Variants in DNAJC13 observed in about 807,000 individuals in gnomAD.
The protein encoded by DNAJC13 is DnaJ heat shock protein family (Hsp40) member C13.
In DNAJC13, 75 loss-of-function variants were observed where a neutral mutation model predicts 290.5. The ratio of observed to expected loss-of-function variants is 0.26; its 90% CI spans 0.21 to 0.31. The LOEUF (loss-of-function observed/expected upper bound fraction) is 0.31. Among genes scored for constraint, DNAJC13 ranks in the 10% least tolerant of loss-of-function variants. The probability of loss-of-function intolerance (pLI) is 1.00; values close to 1 mark genes in which losing one functional copy is unlikely to be tolerated. For synonymous variants in DNAJC13, 862 were observed against 892.0 expected (o/e 0.97, Z 0.60); for missense variants, 2,260 against 2,674.5 (o/e 0.85, Z 3.42).
intron 2 of DNAJC13, among the ~76,000 whole-genome samples, chr3:132,436,110 A>G (rs969162606): frequency 2.0e-5 from 3 of 152,188 alleles, no homozygotes; most frequent in Admixed American, 1.3e-4. Flanking sequence ...ATTTTAGTGT[A>G]TTCATAAAGT....
chr3:132,486,488 G>C lies in DNAJC13; in HGVS notation c.3268-1810G>C, dbSNP rs532923272. On this transcript the variant is annotated intron_variant, in intron 29 of 55. Coordinates refer to ENST00000260818, the MANE Select transcript of DNAJC13 (RefSeq NM_015268.4). ...AGCATAACATGAAGCTTGGGGGAGG[G>C]AGGCTTTCTTTTAATTAACCAAAAA... is the stretch of plus-strand genomic sequence containing the variant. 7.3e-5 allele frequency among the ~76,000 whole-genome samples: 11 copies of C among 151,384 alleles called. No homozygotes were observed. The South Asian group carries it at 2.3e-3, about 31-fold the overall frequency.
chr3:132,530,883 T>C, intron 54 of DNAJC13, 115 bp from the exon 55 acceptor site: 1 of 771,952 alleles, frequency 1.3e-6, no homozygotes, highest in Non-Finnish European at 2.2e-6. Context: ...TGCTCCATAT[T>C]TGGGTCTTTC....
chr3:132,534,446 A>G (rs76705330), intron 55 of DNAJC13, among the ~76,000 whole-genome samples: 5,984 of 152,220 alleles, frequency 0.039, 186 homozygotes, highest in African/African-American at 0.083. Flanking sequence ...GCTTGAGTCC[A>G]GGAGTTCCAG....
intron 5 of DNAJC13, among the ~76,000 whole-genome samples, chr3:132,450,359 T>C (rs988048473): frequency 6.6e-6 from 1 of 152,136 alleles, no homozygotes; most frequent in Non-Finnish European, 1.5e-5. Flanking sequence ...TCCTCTTTTT[T>C]CTTTTTATAA....
intron 2 of DNAJC13, among the ~76,000 whole-genome samples, chr3:132,443,828 G>A (rs1933152420): frequency 6.6e-6 from 1 of 152,156 alleles, no homozygotes; most frequent in South Asian, 2.1e-4. Flanking sequence ...AGTTATGACA[G>A]TACTCTGCTG....
intron 1 of DNAJC13, among the ~76,000 whole-genome samples, chr3:132,432,327 C>G (rs562667000): frequency 2.0e-5 from 3 of 152,094 alleles, no homozygotes; most frequent in East Asian, 3.9e-4. Context: ...CTCAGCCTCC[C>G]GGGTAGCTGG....
At position 132,484,615 on chromosome 3, in the gene DNAJC13, T is replaced by C; in HGVS notation, c.3210T>C (p.Pro1070=). 1 of 1,614,164 alleles carries C rather than the reference T, an allele frequency of 6.2e-7. No individual in the cohort carries two copies. Residue 1070 remains proline (P), a synonymous_variant, in exon 29 of 56, where the codon CCT becomes CCC. Coordinates refer to ENST00000260818, the MANE Select transcript of DNAJC13 (RefSeq NM_015268.4). The part of the protein sequence containing the change: ...SRDQDNAIIR[P]LPKVKRLLSD... ...ATCAAGACAATGCCATCATTCGGCC[T>C]CTACCCAAAGTGAAAAGACTGCTGT...
chr3:132,443,102 G>A (rs780586294), intron 2 of DNAJC13, among the ~76,000 whole-genome samples: 2 of 152,184 alleles, frequency 1.3e-5, no homozygotes, highest in Non-Finnish European at 2.9e-5. Flanking sequence ...CCCTGAATCC[G>A]TGGAGTCTTT....
intron 2 of DNAJC13, among the ~76,000 whole-genome samples, chr3:132,438,389 A>G (rs1208861471): frequency 1.3e-5 from 2 of 152,240 alleles, no homozygotes; most frequent in African/African-American, 4.8e-5. Flanking sequence ...AGTACTCATC[A>G]GCAGTGTTAA....
At chr3:132,458,731 A>G (rs1004824877) in intron 13 of DNAJC13, among the ~76,000 whole-genome samples, 2 of 152,214 alleles carry the variant, frequency 1.3e-5, no homozygotes, top group South Asian at 2.1e-4. Flanking sequence ...AATGAAGCTT[A>G]CCAAATATAC....
In DNAJC13 at chr3:132,516,688, T is replaced by C. The variant is rs368426011; in HGVS notation, c.5561-16T>C. Reference sequence around the variant, plus strand: ...TCAAATTCTTTATAAGCACTAATTATCTTTTTCCTTCATAGGTGCTTTGAT... The same window carrying C: ...TCAAATTCTTTATAAGCACTAATTACCTTTTTCCTTCATAGGTGCTTTGAT... On this transcript the variant is annotated splice_polypyrimidine_tract_variant and intron_variant, in intron 47 of 55. Coordinates refer to ENST00000260818, the MANE Select transcript of DNAJC13 (RefSeq NM_015268.4). 3.7e-5 allele frequency: 59 copies of C among 1,599,514 alleles called. No homozygotes were observed. The highest frequency in any genetic ancestry group is 3.1e-4 in the East Asian group (14 of 44,700).
chr3:132,425,607 A>G (rs1313436127), intron 1 of DNAJC13, among the ~76,000 whole-genome samples: 2 of 152,160 alleles, frequency 1.3e-5, no homozygotes, highest in Non-Finnish European at 1.5e-5. Flanking sequence ...CTTGCATTTT[A>G]CAGACTCAAA....
chr3:132,462,371 G>A, intron 15 of DNAJC13, 96 bp from the exon 16 acceptor site: 1 of 1,187,494 alleles, frequency 8.4e-7, no homozygotes, highest in Non-Finnish European at 1.2e-6. Context: ...CTTATACCTT[G>A]TGTAAAAATG....
intron 35 of DNAJC13, 147 bp from the exon 36 acceptor site, chr3:132,496,381 C>T: frequency 1.4e-6 from 1 of 694,064 alleles, no homozygotes; most frequent in Non-Finnish European, 2.2e-6. Context: ...AACAGTATAC[C>T]AGCTAGATTA....
chr3:132,483,905 A>G (rs963519319), intron 28 of DNAJC13, among the ~76,000 whole-genome samples: 2 of 152,326 alleles, frequency 1.3e-5, no homozygotes, highest in South Asian at 4.1e-4. Context: ...CCAGCTGTTG[A>G]TCTGACACGC....
chr3:132,505,700 G>A lies in DNAJC13; in HGVS notation c.4998+285G>A, dbSNP rs1012544307. ...TAGTTGTTCACTTCAGCCTCTTTTCGCTAGTAAGTGAAAGGTGCTTTCCAG... is the reference window on the plus strand; with the variant it reads ...TAGTTGTTCACTTCAGCCTCTTTTCACTAGTAAGTGAAAGGTGCTTTCCAG... On this transcript the variant is annotated intron_variant, in intron 42 of 55. Coordinates refer to ENST00000260818, the MANE Select transcript of DNAJC13 (RefSeq NM_015268.4). Among the ~76,000 whole-genome samples the A allele has an allele frequency of 6.6e-5, 10 of 151,920 alleles. 1 individual carries two copies. Among genetic ancestry groups the A allele is most frequent in the Non-Finnish European group, 1.3e-4 (9 of 67,972 alleles).
Position 132,480,280 on chromosome 3 carries a change from G to A in DNAJC13, c.2773-89G>A, listed in dbSNP as rs1559889133. 1.1e-5 allele frequency: 8 copies of A among 738,388 alleles called. No individual in the cohort carries two copies. The East Asian group carries it at 2.2e-4, about 20-fold the overall frequency. The allele number at this position is 738,388 out of a possible 1,614,324, so 45.7% of individuals were successfully genotyped here. A position where few individuals can be genotyped will look rare whatever the true frequency, so the allele number is the denominator to read the frequency against. ...TCTTTTCTTCGAGGACCTTGTAGGT[G>A]GTAGTACCTATTGGGAAAGGTACTA... On this transcript the variant is annotated intron_variant, in intron 25 of 55. Transcript: ENST00000260818.
chr3:132,516,660 A>G lies in DNAJC13; in HGVS notation c.5561-44A>G, dbSNP rs759208665. The G allele has an allele frequency of 1.5e-5, 24 of 1,566,978 alleles. No individual in the cohort carries two copies. In the Middle Eastern group the frequency reaches 1.0e-3, roughly 66 times the overall value. Reference sequence around the variant, plus strand: ...GGTTGAAAATGAATTCTGATTAGAAAAGTCAAATTCTTTATAAGCACTAAT... The same window carrying G: ...GGTTGAAAATGAATTCTGATTAGAAGAGTCAAATTCTTTATAAGCACTAAT... On this transcript the variant is annotated intron_variant, in intron 47 of 55. Transcript: ENST00000260818.
At chr3:132,510,942 G>A (rs1935758852) in intron 43 of DNAJC13, 125 bp from the exon 44 acceptor site, 3 of 1,010,646 alleles carry the variant, frequency 3.0e-6, no homozygotes, top group Non-Finnish European at 1.5e-6. Context: ...GTGCATAGGT[G>A]TATTCATGTG....
Sources: gnomAD v4.1 joint callset for allele counts (sites outside exome capture counted in the v4.1 genomes callset) on GRCh38, gnomAD v4.1.1 for gene constraint, MANE v1.5 for transcripts, NCBI Gene and HGNC (gene_info 2026-07-23, HGNC 2026-07-21) for gene names.